The following AP5Z1 variants were observed in gnomAD, a reference collection of about 807,000 sequenced individuals.
The protein encoded by AP5Z1 is adaptor related protein complex 5 subunit zeta 1.
In AP5Z1, 106 loss-of-function variants were observed where a neutral mutation model predicts 83.0. The observed-to-expected ratio is 1.28, with a 90% CI of 1.09 to 1.50. The LOEUF (loss-of-function observed/expected upper bound fraction) is 1.50. Ranked by LOEUF, AP5Z1 falls within the 40% of genes most tolerant of loss-of-function variation. The pLI is 0.00. For missense variants in AP5Z1, 1,565 were observed against 1,094.2 expected, an observed-to-expected ratio of 1.43 and a Z score of -6.07; for synonymous variants, 751 against 514.1, an observed-to-expected ratio of 1.46 and a Z score of -6.23.
At chr7:4,790,634 A>AG in intron 15 of AP5Z1, 39 bp from the exon 16 acceptor site, 2 of 1,612,284 alleles carry the variant, frequency 1.2e-6, no homozygotes, top group Non-Finnish European at 1.7e-6. Flanking sequence ...CTGACCCAGG[A>AG]GGCCTGGGTG....
At chr7:4,781,384 G>T in intron 2 of AP5Z1, 72 bp downstream of exon 2, 3 of 1,603,604 alleles carry the variant, frequency 1.9e-6, no homozygotes, top group Non-Finnish European at 2.6e-6. Flanking sequence ...CGCCCAGCAG[G>T]TCACTGCAGA....
In AP5Z1 at chr7:4,793,656, G is replaced by C. The variant is rs1445036160; in HGVS notation, c.*2271G>C. The C allele has an allele frequency of 6.6e-6, 1 of 152,580 alleles. No individual in the cohort carries two copies. The highest frequency in any genetic ancestry group is 1.5e-5 in the Non-Finnish European group (1 of 68,292). 9.5% of individuals were successfully genotyped at this position (152,580 alleles called of 1,614,324 possible). On this transcript the variant is annotated 3_prime_UTR_variant, in exon 17 of 17. Coordinates refer to ENST00000649063, the MANE Select transcript of AP5Z1 (RefSeq NM_014855.3). The stretch of plus-strand genomic sequence containing the variant: ...CTAGCCCCGCCAGCCTGGGCAGTGA[G>C]GGGCTTAGCACCTGGACCAGCAGCT...
At position 4,783,318 on chromosome 7, in the gene AP5Z1, T is replaced by C. The variant is rs182431279; in HGVS notation, c.369T>C (p.Gly123=). The C allele has an allele frequency of 7.6e-4, 1,219 of 1,605,376 alleles. 5 individuals are homozygous for C. The African/African-American group carries it at 0.015, about 19-fold the overall frequency. The change falls in exon 4 of 17, where the codon GGT becomes GGC. Residue 123 remains glycine (G), a splice_region_variant and synonymous_variant. Transcript: ENST00000649063. ...CGTTTGCCCTGTTTGATTTGAAGGG[T>C]GACAGAAACGAGGAGGTCAGAGCCG... ...SLVASVLLAQ[G]DRNEEVRAVG...
In AP5Z1 at chr7:4,785,671, C is replaced by A; in HGVS notation, c.1119C>A (p.Phe373Leu). The change falls in exon 9 of 17, where the codon TTC becomes TTA. Residue 373 changes from phenylalanine (F) to leucine (L), a missense_variant. Transcript: ENST00000649063. ...SVRVLLPLAH[F>L]FLSHGEAAAV... Reference sequence around the variant, plus strand: ...GGGTGCTGCTGCCCCTCGCCCACTTCTTCCTGAGCCACGGTGAGCCCAGGG... The same window carrying A: ...GGGTGCTGCTGCCCCTCGCCCACTTATTCCTGAGCCACGGTGAGCCCAGGG... The A allele has an allele frequency of 6.5e-7, 1 of 1,538,272 alleles. No individual in the cohort carries two copies. The highest frequency in any genetic ancestry group is 8.8e-7 in the Non-Finnish European group (1 of 1,141,684).
chr7:4,785,269 G>A (rs1227976627), intron 7 of AP5Z1, 146 bp from the exon 8 acceptor site: 30 of 1,294,954 alleles, frequency 2.3e-5, no homozygotes, highest in Admixed American at 5.4e-5. Context: ...TGGGCCCCTC[G>A]CCTCAGTCCC....
chr7:4,783,254 A>G, intron 3 of AP5Z1, 62 bp from the exon 4 acceptor site: 2 of 1,500,320 alleles, frequency 1.3e-6, no homozygotes, highest in South Asian at 1.3e-5. Context: ...AGACTTCCGA[A>G]ATGGGGGAGC....
chr7:4,781,883 C>A, intron 3 of AP5Z1, 129 bp downstream of exon 3: 1 of 1,133,462 alleles, frequency 8.8e-7, no homozygotes, highest in Non-Finnish European at 1.2e-6. Flanking sequence ...TGCTGAGTGC[C>A]TGGCACACTT....
At chr7:4,784,736 G>A (rs932347582) in intron 6 of AP5Z1, among the ~76,000 whole-genome samples, 172 bp from the exon 7 acceptor site, 10 of 152,178 alleles carry the variant, frequency 6.6e-5, no homozygotes, top group African/African-American at 1.9e-4. Context: ...CCTGAAGGGC[G>A]GCCGTGATGG....
Position 4,786,305 on chromosome 7 carries a change from C to A in AP5Z1, c.1188C>A (p.Ile396=). The A allele has an allele frequency of 6.2e-7, 1 of 1,613,656 alleles. No individual in the cohort carries two copies. The highest frequency in any genetic ancestry group is 8.5e-7 in the Non-Finnish European group (1 of 1,179,740). The change falls in exon 10 of 17, where the codon ATC becomes ATA. Residue 396 remains isoleucine (I), a synonymous_variant. Coordinates refer to ENST00000649063, the MANE Select transcript of AP5Z1 (RefSeq NM_014855.3). The part of the protein sequence containing the change: ...EAVYQHLFTR[I]PVEQFHSPML... The stretch of plus-strand genomic sequence containing the variant: ...TCTACCAGCACCTGTTCACCAGGAT[C>A]CCGGTGGAGCAGTTCCACAGCCCCA...
intron 11 of AP5Z1, 74 bp downstream of exon 11, chr7:4,787,850 G>A: frequency 1.4e-5 from 20 of 1,459,596 alleles, no homozygotes; most frequent in Non-Finnish European, 1.5e-5. Context: ...CCTCCTCGCT[G>A]CTCCTGACCC....
rs748638088 is a variant in AP5Z1 at position 4,791,181 on chromosome 7, C to T, written c.2220C>T (p.Ser740=). The T allele has an allele frequency of 4.0e-5, 64 of 1,611,650 alleles. 1 individual carries two copies. The highest frequency in any genetic ancestry group is 4.7e-5 in the Non-Finnish European group (56 of 1,179,608). Reference sequence around the variant, plus strand: ...GTCCAGCCACCAGCTCCACGCACAGCGAGGAGGGCGCGGAAGCCATCCGTA... The same window carrying T: ...GTCCAGCCACCAGCTCCACGCACAGTGAGGAGGGCGCGGAAGCCATCCGTA... The part of the protein sequence containing the change: ...AHSPATSSTH[S]EEGAEAIRTR... Residue 740 remains serine (S), a synonymous_variant, in exon 17 of 17, where the codon AGC becomes AGT. Coordinates refer to ENST00000649063, the MANE Select transcript of AP5Z1 (RefSeq NM_014855.3).
rs377676237 is a variant in AP5Z1 at position 4,787,062 on chromosome 7, G to T, written c.1312-572G>T. ...GCTGGGATTACAGGCATGAGCCACC[G>T]CACCCGGCCTGGTGCCATTTGCTTT... is the stretch of plus-strand genomic sequence containing the variant. On this transcript the variant is annotated intron_variant, in intron 10 of 16. Coordinates refer to ENST00000649063, the MANE Select transcript of AP5Z1 (RefSeq NM_014855.3). Among the ~76,000 whole-genome samples the T allele has an allele frequency of 1.4e-3, 219 of 151,856 alleles. 3 individuals carry two copies. Among genetic ancestry groups the T allele is most frequent in the African/African-American group, 5.1e-3 (210 of 41,434 alleles).
At position 4,785,009 on chromosome 7, in the gene AP5Z1, T is replaced by G; in HGVS notation, c.892T>G (p.Phe298Val). The change falls in exon 7 of 17, where the codon TTC becomes GTC. Residue 298 changes from phenylalanine (F) to valine (V), a missense_variant. Coordinates refer to ENST00000649063, the MANE Select transcript of AP5Z1 (RefSeq NM_014855.3). ...PPRERLREVA[F>V]EYCQRLIEQS... is the part of the protein sequence containing the mutation. Reference sequence around the variant, plus strand: ...CCGGGAGCGGCTTCGGGAGGTGGCCTTCGAGTACTGCCAGCGCCTCATTGA... The same window carrying G: ...CCGGGAGCGGCTTCGGGAGGTGGCCGTCGAGTACTGCCAGCGCCTCATTGA... 6.2e-7 allele frequency: 1 copy of G among 1,611,346 alleles called. No homozygotes were observed. The highest frequency in any genetic ancestry group is 8.5e-7 in the Non-Finnish European group (1 of 1,179,040).
Position 4,794,280 on chromosome 7 carries a change from G to C in AP5Z1, c.*2895G>C, listed in dbSNP as rs1320178283. The stretch of plus-strand genomic sequence containing the variant: ...CTACCAGTCAGCAGGATGTGGGTGG[G>C]GCCAGATGAGAATAAAAGCAGGCTG... On this transcript the variant is annotated 3_prime_UTR_variant, in exon 17 of 17. Coordinates refer to ENST00000649063, the MANE Select transcript of AP5Z1 (RefSeq NM_014855.3). 6.6e-6 allele frequency: 1 copy of C among 152,248 alleles called. No individual in the cohort carries two copies. Among genetic ancestry groups the C allele is most frequent in the Non-Finnish European group, 1.5e-5 (1 of 68,100 alleles). The allele number at this position is 152,248 out of a possible 1,614,324, so 9.4% of individuals were successfully genotyped here.
At chr7:4,790,227 A>C (rs1781713695) in intron 14 of AP5Z1, 1 of 1,549,806 alleles carries the variant, frequency 6.5e-7, no homozygotes, top group African/African-American at 1.4e-5. Flanking sequence ...TGATGCATGC[A>C]GGCCCATCCT....
chr7:4,785,103 C>T, intron 7 of AP5Z1, 55 bp downstream of exon 7: 2 of 1,541,662 alleles, frequency 1.3e-6, no homozygotes, highest in Non-Finnish European at 1.8e-6. Flanking sequence ...ACCTGCTCTG[C>T]AAGGCCACCT....
In AP5Z1 at chr7:4,792,638, G is replaced by A. The variant is rs374744640; in HGVS notation, c.*1253G>A. 2.0e-5 allele frequency: 3 copies of A among 152,216 alleles called. No homozygotes were observed. Among genetic ancestry groups the A allele is most frequent in the Admixed American group, 1.3e-4 (2 of 15,284 alleles). 9.4% of individuals were successfully genotyped at this position (152,216 alleles called of 1,614,324 possible). A position where few individuals can be genotyped will look rare whatever the true frequency, so the allele number is the denominator to read the frequency against. ...CCTTGGGTCGCGTTCCGAGCTCCAGGACGGCTGGTGTCCCCCGCGGCCTGC... is the reference window on the plus strand; with the variant it reads ...CCTTGGGTCGCGTTCCGAGCTCCAGAACGGCTGGTGTCCCCCGCGGCCTGC... On this transcript the variant is annotated 3_prime_UTR_variant, in exon 17 of 17. Coordinates refer to ENST00000649063, the MANE Select transcript of AP5Z1 (RefSeq NM_014855.3).
chr7:4,789,022 G>A (rs890068471), intron 13 of AP5Z1, 71 bp downstream of exon 13: 5 of 1,344,464 alleles, frequency 3.7e-6, no homozygotes, highest in Non-Finnish European at 5.1e-6. Context: ...AGCCAGCACT[G>A]GGGGGCCCTC....
Position 4,781,260 on chromosome 7 carries a change from G to C in AP5Z1, c.127G>C (p.Asp43His), listed in dbSNP as rs370859268. 3 of 1,613,808 alleles carry C rather than the reference G, an allele frequency of 1.9e-6. No homozygotes were observed. Among genetic ancestry groups the C allele is most frequent in the Admixed American group, 1.7e-5 (1 of 60,024 alleles). Residue 43 changes from aspartate (D) to histidine (H), a missense_variant, in exon 2 of 17, where the codon GAC (aspartate) becomes CAC (histidine). Physicochemically the swap from Asp to His is moderately conservative, Grantham distance 81. Coordinates refer to ENST00000649063, the MANE Select transcript of AP5Z1 (RefSeq NM_014855.3). Reference sequence around the variant, plus strand: ...GGAGGACTTGGGGCCGGACACCCTCGACTCCCTGCAGAGGCTCTTCCTCAT... The same window carrying C: ...GGAGGACTTGGGGCCGGACACCCTCCACTCCCTGCAGAGGCTCTTCCTCAT... ...QAEDLGPDTL[D>H]SLQRLFLIIS...
Sources: gnomAD v4.1 joint callset for allele counts (sites outside exome capture counted in the v4.1 genomes callset) on GRCh38, gnomAD v4.1.1 for gene constraint, MANE v1.5 for transcripts, NCBI Gene and HGNC (gene_info 2026-07-23, HGNC 2026-07-21) for gene names.